The following VPS50 variants were observed in gnomAD, a reference collection of about 807,000 sequenced individuals.
VPS50 encodes VPS50 subunit of EARP/GARPII complex.
In VPS50, 70 loss-of-function variants were observed where a neutral mutation model predicts 139.7. That is an observed-to-expected ratio of 0.50 (90% CI 0.41 to 0.61). VPS50 has a LOEUF of 0.61. Ranked by LOEUF, VPS50 falls within the 20% of genes least tolerant of loss-of-function variation. The pLI is 0.00. For missense variants in VPS50, 921 were observed against 1,133.7 expected (o/e 0.81, Z 2.69); for synonymous variants, 365 against 376.7 (o/e 0.97, Z 0.36).
At chr7:93,315,970 A>G (rs1797417074) in intron 20 of VPS50, among the ~76,000 whole-genome samples, 1 of 152,134 alleles carries the variant, frequency 6.6e-6, no homozygotes. Context: ...AAAAAAATTT[A>G]CAGTGTGTTG....
chr7:93,257,346 GA>G, intron 5 of VPS50, 47 bp from the exon 6 acceptor site: 1 of 1,179,004 alleles, frequency 8.5e-7, no homozygotes, highest in Non-Finnish European at 1.3e-6. Context: ...AAATAAGAAA[GA>G]AAAATAAAAT....
chr7:93,260,479 CTAG>C (rs1795630906), intron 9 of VPS50, among the ~76,000 whole-genome samples: 1 of 152,132 alleles, frequency 6.6e-6, no homozygotes, highest in Non-Finnish European at 1.5e-5. Flanking sequence ...ATGTTGATTG[CTAG>C]TACCTGAAAA....
intron 2 of VPS50, among the ~76,000 whole-genome samples, chr7:93,249,815 T>C (rs1371259958): frequency 1.3e-5 from 2 of 152,042 alleles, no homozygotes; most frequent in African/African-American, 4.8e-5. Context: ...CTCTTCCATT[T>C]CATTTCTGAC....
intron 16 of VPS50, among the ~76,000 whole-genome samples, chr7:93,300,058 T>C (rs1332827547): frequency 6.6e-6 from 1 of 152,144 alleles, no homozygotes; most frequent in Non-Finnish European, 1.5e-5. Flanking sequence ...TCACCTATCT[T>C]TTTAGAAGAA....
At chr7:93,254,219 G>T (rs561824219) in intron 4 of VPS50, among the ~76,000 whole-genome samples, 1 of 152,316 alleles carries the variant, frequency 6.6e-6, no homozygotes, top group Admixed American at 6.5e-5. Flanking sequence ...AGTACCTTTA[G>T]GCTCCTTGTC....
chr7:93,353,710 A>G lies in VPS50; in HGVS notation c.2534A>G (p.Asn845Ser). The change falls in exon 26 of 28, where the codon AAT (asparagine) becomes AGT (serine). Residue 845 changes from asparagine to serine, a missense_variant. By Grantham distance (46) the Asn-to-Ser change is conservative (BLOSUM62 1). Coordinates refer to ENST00000305866, the MANE Select transcript of VPS50 (RefSeq NM_017667.4). ...KRVRIPLPVS[N>S]ILWEHCIRLA... ...GTTCGCATACCCTTGCCTGTGTCTA[A>G]TATACTTTGGGAACATTGTATACGA... is the stretch of plus-strand genomic sequence containing the variant. 1 of 1,612,514 alleles carries G rather than the reference A, an allele frequency of 6.2e-7. No homozygotes were observed. Among genetic ancestry groups the G allele is most frequent in the Non-Finnish European group, 8.5e-7 (1 of 1,178,742 alleles).
chr7:93,329,903 A>G (rs939312729), intron 21 of VPS50, among the ~76,000 whole-genome samples: 1 of 152,228 alleles, frequency 6.6e-6, no homozygotes, highest in Non-Finnish European at 1.5e-5. Flanking sequence ...TCCTAAAGGA[A>G]GTTATTAAAC....
At chr7:93,270,841 G>GAT (rs931244178) in intron 9 of VPS50, among the ~76,000 whole-genome samples, 1 of 151,902 alleles carries the variant, frequency 6.6e-6, no homozygotes, top group Non-Finnish European at 1.5e-5. Context: ...ACTTGGGACA[G>GAT]ATAGAATAAA....
At chr7:93,346,412 C>T (rs1187448598) in intron 23 of VPS50, among the ~76,000 whole-genome samples, 1 of 152,086 alleles carries the variant, frequency 6.6e-6, no homozygotes, top group African/African-American at 2.4e-5. Context: ...AGGTAATTTA[C>T]AGATTCAATG....
At chr7:93,246,247 A>G (rs1795150456) in intron 2 of VPS50, 3 of 686,344 alleles carry the variant, frequency 4.4e-6, no homozygotes, top group African/African-American at 1.8e-5. Context: ...CAAACCGCAA[A>G]TCATGCTTGT....
chr7:93,295,183 A>G (rs1246203113), intron 14 of VPS50, among the ~76,000 whole-genome samples: 2 of 152,192 alleles, frequency 1.3e-5, no homozygotes, highest in Non-Finnish European at 2.9e-5. Context: ...TAGTTTATAA[A>G]CAGAGAAGTT....
intron 12 of VPS50, among the ~76,000 whole-genome samples, chr7:93,286,852 G>T (rs925890928): frequency 1.3e-5 from 2 of 152,132 alleles, no homozygotes; most frequent in East Asian, 3.9e-4. Flanking sequence ...AGAAGCATTT[G>T]TCACTGTGAC....
In VPS50 at chr7:93,323,746, T is replaced by C. The variant is rs1203604303; in HGVS notation, c.1977+14T>C. 1.5e-6 allele frequency: 2 copies of C among 1,365,676 alleles called. No individual in the cohort carries two copies. The highest frequency in any genetic ancestry group is 2.7e-5 in the Admixed American group (1 of 36,478). The allele number at this position is 1,365,676 out of a possible 1,614,324, so 84.6% of individuals were successfully genotyped here. On this transcript the variant is annotated intron_variant, in intron 21 of 27. Coordinates refer to ENST00000305866, the MANE Select transcript of VPS50 (RefSeq NM_017667.4). ...CGGAATGATTCAGTAAGTCCACCTT[T>C]AGAGGGAAAAAAATCTTTCTTTTAA...
At chr7:93,295,624 GA>G (rs1457872492) in intron 14 of VPS50, among the ~76,000 whole-genome samples, 1 of 152,078 alleles carries the variant, frequency 6.6e-6, no homozygotes, top group African/African-American at 2.4e-5. Flanking sequence ...GAAGACTATA[GA>G]CCCTTTGGCC....
At chr7:93,293,098 C>T (rs1796696541) in intron 13 of VPS50, among the ~76,000 whole-genome samples, 1 of 152,046 alleles carries the variant, frequency 6.6e-6, no homozygotes. Context: ...CAAACCAAAC[C>T]CTTAGAGTAG....
chr7:93,318,610 TA>T (rs1230166437), intron 20 of VPS50, among the ~76,000 whole-genome samples: 2 of 152,246 alleles, frequency 1.3e-5, no homozygotes, highest in Non-Finnish European at 2.9e-5. Flanking sequence ...AAGAGAGCCT[TA>T]AATCATTTTT....
intron 20 of VPS50, among the ~76,000 whole-genome samples, chr7:93,323,090 G>A (rs1314138792): frequency 2.0e-5 from 3 of 151,974 alleles, no homozygotes; most frequent in Non-Finnish European, 4.4e-5. Flanking sequence ...AGGATTCAGG[G>A]CAATGGGCAG....
At chr7:93,318,135 A>T (rs1797484805) in intron 20 of VPS50, among the ~76,000 whole-genome samples, 1 of 151,714 alleles carries the variant, frequency 6.6e-6, no homozygotes, top group South Asian at 2.1e-4. Flanking sequence ...ATGAGATAAC[A>T]TATATTTAGA....
chr7:93,233,636 ATATT>A (rs1331665045), intron 1 of VPS50, among the ~76,000 whole-genome samples: 3 of 152,228 alleles, frequency 2.0e-5, no homozygotes, highest in Non-Finnish European at 2.9e-5. Flanking sequence ...AATAATAAAA[ATATT>A]TAAGTAAGTG....
Sources: gnomAD v4.1 joint callset for allele counts (sites outside exome capture counted in the v4.1 genomes callset) on GRCh38, gnomAD v4.1.1 for gene constraint, MANE v1.5 for transcripts, NCBI Gene and HGNC (gene_info 2026-07-23, HGNC 2026-07-21) for gene names.